Variants in TMOD3 observed in about 807,000 individuals in gnomAD.
TMOD3 encodes the protein tropomodulin-3.
TMOD3 carries 20 observed loss-of-function variants against 39.2 expected under a neutral mutation model. The ratio of observed to expected loss-of-function variants is 0.51; its 90% CI spans 0.36 to 0.74. TMOD3 has a LOEUF of 0.74. Among genes scored for constraint, TMOD3 ranks in the 30% least tolerant of loss-of-function variants. TMOD3 has a pLI of 0.00. For synonymous variants in TMOD3, 143 were observed against 145.8 expected (o/e 0.98, Z 0.14); for missense variants, 381 against 412.8 (o/e 0.92, Z 0.67).
At chr15:51,861,120 A>G (rs779354285) in intron 1 of TMOD3, 58 of 528,366 alleles carry the variant, frequency 1.1e-4, no homozygotes, top group Non-Finnish European at 1.9e-4. Flanking sequence ...TTCATGTTGA[A>G]CATAATTGAT....
chr15:51,904,234 C>T (rs1178370631), intron 9 of TMOD3, among the ~76,000 whole-genome samples: 2 of 152,180 alleles, frequency 1.3e-5, no homozygotes, highest in Non-Finnish European at 2.9e-5. Flanking sequence ...GCATTTGTCC[C>T]ATTTTTTAAA....
At chr15:51,833,892 A>G (rs908738038) in intron 1 of TMOD3, among the ~76,000 whole-genome samples, 4 of 152,164 alleles carry the variant, frequency 2.6e-5, no homozygotes, top group African/African-American at 9.6e-5. Flanking sequence ...CAGTTCTCCA[A>G]AGTGGTTTAT....
intron 1 of TMOD3, among the ~76,000 whole-genome samples, chr15:51,850,831 G>C (rs1013504192): frequency 1.3e-5 from 2 of 152,116 alleles, no homozygotes; most frequent in Non-Finnish European, 2.9e-5. Context: ...CTGCCTCCTG[G>C]GTTCAAGCGA....
intron 3 of TMOD3, among the ~76,000 whole-genome samples, chr15:51,885,693 TAC>T (rs2141698759): frequency 6.6e-6 from 1 of 152,348 alleles, no homozygotes; most frequent in East Asian, 1.9e-4. Flanking sequence ...CACCTCTTTC[TAC>T]ACAGACACAG....
At chr15:51,902,881 G>C (rs548514309) in intron 9 of TMOD3, among the ~76,000 whole-genome samples, 1 of 152,152 alleles carries the variant, frequency 6.6e-6, no homozygotes, top group South Asian at 2.1e-4. Context: ...TCGATCTCCT[G>C]ACCTGATGAT....
At chr15:51,862,148 G>C (rs1380064393) in intron 1 of TMOD3, among the ~76,000 whole-genome samples, 1 of 152,086 alleles carries the variant, frequency 6.6e-6, no homozygotes, top group African/African-American at 2.4e-5. Context: ...GACCGCACAG[G>C]AAGGAAATGA....
intron 1 of TMOD3, among the ~76,000 whole-genome samples, chr15:51,854,474 T>A (rs1567264327): frequency 2.0e-5 from 3 of 152,296 alleles, no homozygotes; most frequent in South Asian, 2.1e-4. Flanking sequence ...GCCCACCCTA[T>A]GGAAATGGTG....
chr15:51,841,456 G>A (rs1003119783), intron 1 of TMOD3, among the ~76,000 whole-genome samples: 1 of 151,956 alleles, frequency 6.6e-6, no homozygotes, highest in Non-Finnish European at 1.5e-5. Flanking sequence ...TCTTTTACTT[G>A]TATGTGGCTC....
chr15:51,878,422 A>G (rs1406024725), intron 3 of TMOD3, among the ~76,000 whole-genome samples: 2 of 134,392 alleles, frequency 1.5e-5, no homozygotes, highest in East Asian at 2.0e-4. Flanking sequence ...CTTGTTTCAT[A>G]TATTTTGTCC....
intron 1 of TMOD3, among the ~76,000 whole-genome samples, chr15:51,832,341 G>A (rs2056260814): frequency 6.6e-6 from 1 of 150,946 alleles, no homozygotes; most frequent in Non-Finnish European, 1.5e-5. Flanking sequence ...TAAAAACGTG[G>A]TAGATATTCA....
chr15:51,836,343 A>C (rs2056283359), intron 1 of TMOD3, among the ~76,000 whole-genome samples: 1 of 151,996 alleles, frequency 6.6e-6, no homozygotes, highest in African/African-American at 2.4e-5. Context: ...GGCAACCACT[A>C]ATCTACTCTC....
chr15:51,908,036 A>G (rs936102743), intron 9 of TMOD3, among the ~76,000 whole-genome samples: 6 of 152,242 alleles, frequency 3.9e-5, no homozygotes, highest in African/African-American at 1.4e-4. Context: ...GGTTTATATT[A>G]CAGGAGACAA....
intron 3 of TMOD3, among the ~76,000 whole-genome samples, chr15:51,883,184 A>G (rs1021313152): frequency 6.6e-5 from 10 of 152,236 alleles, no homozygotes; most frequent in African/African-American, 2.4e-4. Flanking sequence ...TCAGAACTCT[A>G]TGAAATCAAG....
Position 51,889,098 on chromosome 15 carries a change from G to A in TMOD3, c.449G>A (p.Cys150Tyr), listed in dbSNP as rs1455457002. 1 of 1,595,428 alleles carries A rather than the reference G, an allele frequency of 6.3e-7. No individual in the cohort carries two copies. The highest frequency in any genetic ancestry group is 8.5e-7 in the Non-Finnish European group (1 of 1,174,494). The stretch of plus-strand genomic sequence containing the variant: ...AATTTGATAACGAATACAAAGTTCT[G>A]TAATATAATGGGAAGTAGTAATGGT... ...MHNLITNTKF[C>Y]NIMGSSNGVD... Residue 150 changes from cysteine (C) to tyrosine (Y), a missense_variant, in exon 5 of 10, where the codon TGT becomes TAT. Coordinates refer to ENST00000308580, the MANE Select transcript of TMOD3 (RefSeq NM_014547.5).
intron 3 of TMOD3, among the ~76,000 whole-genome samples, chr15:51,880,406 A>C (rs897242605): frequency 6.6e-6 from 1 of 152,150 alleles, no homozygotes; most frequent in Admixed American, 6.5e-5. Flanking sequence ...CATTGATAGA[A>C]TTATGCAACC....
rs1434487930 is a variant in TMOD3 at position 51,915,169 on chromosome 15, A to G, written c.*6359A>G. 4 of 152,086 alleles carry G rather than the reference A, an allele frequency of 2.6e-5. No homozygotes were observed. Among genetic ancestry groups the G allele is most frequent in the Admixed American group, 1.3e-4 (2 of 15,260 alleles). The allele number at this position is 152,086 out of a possible 1,614,324, so 9.4% of individuals were successfully genotyped here. A position where few individuals can be genotyped will look rare whatever the true frequency, so the allele number is the denominator to read the frequency against. On this transcript the variant is annotated 3_prime_UTR_variant, in exon 10 of 10. Transcript: ENST00000308580. Reference sequence around the variant, plus strand: ...ATGTTTCAAATATTATAGTCTATACATTCAGAAAGTAAGGTTTAAGAATGA... The same window carrying G: ...ATGTTTCAAATATTATAGTCTATACGTTCAGAAAGTAAGGTTTAAGAATGA...
At chr15:51,905,368 T>C (rs2056673200) in intron 9 of TMOD3, among the ~76,000 whole-genome samples, 1 of 151,882 alleles carries the variant, frequency 6.6e-6, no homozygotes, top group South Asian at 2.1e-4. Flanking sequence ...GTACCTGTAA[T>C]CCTAGCTACT....
At chr15:51,892,024 C>T (rs1430763094) in intron 5 of TMOD3, among the ~76,000 whole-genome samples, 6 of 152,168 alleles carry the variant, frequency 3.9e-5, no homozygotes, top group African/African-American at 1.2e-4. Flanking sequence ...CACCTGACCT[C>T]GGGAAAGTAA....
chr15:51,833,042 C>T, intron 1 of TMOD3: 1 of 152,122 alleles, frequency 6.6e-6, no homozygotes, highest in Middle Eastern at 3.2e-3. Flanking sequence ...TATGTCAGAT[C>T]CTTTAAAATC....
Sources: allele counts gnomAD v4.1 joint callset (sites outside exome capture counted in the v4.1 genomes callset), GRCh38; gene constraint gnomAD v4.1.1; transcripts MANE v1.5; gene names NCBI Gene and HGNC (gene_info 2026-07-23, HGNC 2026-07-21).